Variants in PCDH11X observed in about 807,000 individuals in gnomAD.
The protein encoded by PCDH11X is protocadherin-11 X-linked.
Under a neutral mutation model 53.3 loss-of-function variants are expected in PCDH11X, and 18 were observed. The observed-to-expected ratio is 0.34, with a 90% CI of 0.23 to 0.50. The LOEUF is 0.50. PCDH11X is among the 20% of genes least tolerant of loss of function. PCDH11X has a pLI of 0.98. For missense variants in PCDH11X, 570 were observed against 1,032.4 expected, an observed-to-expected ratio of 0.55 and a Z score of 6.14; for synonymous variants, 279 against 393.3, an observed-to-expected ratio of 0.71 and a Z score of 3.44.
chrX:92,271,401 G>C lies in PCDH11X; in HGVS notation c.3144+8258G>C, dbSNP rs2067954644. 2.7e-5 allele frequency among the ~76,000 whole-genome samples: 3 copies of C among 111,816 alleles called. No individual in the cohort carries two copies. In the South Asian group the frequency reaches 1.1e-3, roughly 42 times the overall value. On this transcript the variant is annotated intron_variant, in intron 8 of 10. Coordinates refer to ENST00000682573, the MANE Select transcript of PCDH11X (RefSeq NM_032968.5). Reference sequence around the variant, plus strand: ...GAATTGCAAAAAAGGCACAAACAAAGCAAGAAAGGGACGAAGGGGTTTAGT... The same window carrying C: ...GAATTGCAAAAAAGGCACAAACAAACCAAGAAAGGGACGAAGGGGTTTAGT...
intron 6 of PCDH11X, among the ~76,000 whole-genome samples, chrX:92,157,806 T>C (rs1401764636): frequency 3.4e-4 from 38 of 112,241 alleles, no homozygotes; most frequent in African/African-American, 1.2e-3. Flanking sequence ...TTTTATAATA[T>C]CAATAAACAT....
intron 6 of PCDH11X, among the ~76,000 whole-genome samples, chrX:91,881,724 A>C (rs1192708841): frequency 9.0e-6 from 1 of 111,287 alleles, no homozygotes; most frequent in East Asian, 2.8e-4. Context: ...ATTCAAATGC[A>C]GTAGGTGTCT....
At position 92,571,421 on chromosome X, in the gene PCDH11X, T is replaced by G. The variant is rs761651653; in HGVS notation, c.3368-46843T>G. ...CACTTTAAAATAAAATAATATTTAG[T>G]AATTAAATATCAAATTAGTATTAAG... On this transcript the variant is annotated intron_variant, in intron 10 of 10. Coordinates refer to ENST00000682573, the MANE Select transcript of PCDH11X (RefSeq NM_032968.5). Among the ~76,000 whole-genome samples the G allele has an allele frequency of 3.6e-5, 4 of 111,101 alleles. No individual in the cohort carries two copies. In the South Asian group the frequency reaches 1.5e-3, roughly 41 times the overall value.
At chrX:92,603,874 G>A (rs1005508274) in intron 10 of PCDH11X, among the ~76,000 whole-genome samples, 3 of 105,898 alleles carry the variant, frequency 2.8e-5, no homozygotes, top group African/African-American at 1.0e-4. Flanking sequence ...GTAAAAGACA[G>A]TATAATTTTG....
At chrX:91,904,367 A>G (rs1297557781) in intron 6 of PCDH11X, among the ~76,000 whole-genome samples, 2 of 109,592 alleles carry the variant, frequency 1.8e-5, no homozygotes, top group Non-Finnish European at 3.8e-5. Flanking sequence ...CATCATCACT[A>G]TATAGTTTAG....
intron 8 of PCDH11X, among the ~76,000 whole-genome samples, chrX:92,313,547 C>T (rs979489227): frequency 9.1e-6 from 1 of 109,915 alleles, no homozygotes; most frequent in Non-Finnish European, 1.9e-5. Flanking sequence ...TACTGACACA[C>T]GCCCAGTAGT....
At chrX:92,527,745 C>A (rs1401538043) in intron 10 of PCDH11X, among the ~76,000 whole-genome samples, 1 of 111,849 alleles carries the variant, frequency 8.9e-6, no homozygotes, top group Non-Finnish European at 1.9e-5. Context: ...GAGAAGGGAT[C>A]TAACATAATT....
At chrX:91,973,578 A>C (rs1386075899) in intron 6 of PCDH11X, among the ~76,000 whole-genome samples, 2 of 106,985 alleles carry the variant, frequency 1.9e-5, no homozygotes, top group Non-Finnish European at 1.9e-5. Flanking sequence ...GTATACATAC[A>C]GAAAAACCAT....
chrX:92,240,587 T>C (rs1189514425), intron 7 of PCDH11X, among the ~76,000 whole-genome samples: 2 of 111,990 alleles, frequency 1.8e-5, no homozygotes, highest in Non-Finnish European at 3.8e-5. Context: ...GAATTCTGCC[T>C]GAAACAACAC....
intron 6 of PCDH11X, among the ~76,000 whole-genome samples, chrX:92,198,267 C>T (rs78596768): frequency 0.033 from 3,513 of 105,338 alleles, 78 homozygotes; most frequent in East Asian, 0.18. Flanking sequence ...AAAAATTAGC[C>T]GGGCATGGTG....
intron 8 of PCDH11X, among the ~76,000 whole-genome samples, chrX:92,270,389 G>T (rs1008081678): frequency 8.9e-6 from 1 of 111,865 alleles, no homozygotes; most frequent in Non-Finnish European, 1.9e-5. Flanking sequence ...CTCCCAAAGT[G>T]CTGGGATTAC....
At chrX:92,607,755 T>C (rs927250802) in intron 10 of PCDH11X, among the ~76,000 whole-genome samples, 14 of 111,859 alleles carry the variant, frequency 1.3e-4, no homozygotes, top group African/African-American at 4.2e-4. Context: ...TTTTGTGAAA[T>C]TTCAGGCTGC....
intron 9 of PCDH11X, among the ~76,000 whole-genome samples, chrX:92,448,718 G>A (rs1209684934): frequency 9.2e-6 from 1 of 108,236 alleles, no homozygotes; most frequent in Non-Finnish European, 1.9e-5. Context: ...TGTGTGTGTG[G>A]TGGAGAAAGG....
At chrX:92,453,664 T>C (rs764833332) in intron 9 of PCDH11X, among the ~76,000 whole-genome samples, 2 of 111,201 alleles carry the variant, frequency 1.8e-5, no homozygotes, top group Non-Finnish European at 3.8e-5. Context: ...TTTTCAATAA[T>C]TTTTTCTGCT....
At chrX:92,161,887 GCTAT>G (rs1231671042) in intron 6 of PCDH11X, among the ~76,000 whole-genome samples, 3 of 69,136 alleles carry the variant, frequency 4.3e-5, no homozygotes, top group African/African-American at 1.2e-4. Context: ...TTTTATTTAT[GCTAT>G]CTATTTCACT....
chrX:92,500,231 T>C (rs1277463411), intron 10 of PCDH11X, among the ~76,000 whole-genome samples: 1 of 111,803 alleles, frequency 8.9e-6, no homozygotes, highest in Non-Finnish European at 1.9e-5. Flanking sequence ...AGATCATATT[T>C]CAGGGATCTG....
intron 10 of PCDH11X, among the ~76,000 whole-genome samples, chrX:92,503,584 A>G (rs2073999506): frequency 1.1e-5 from 1 of 91,064 alleles, no homozygotes; most frequent in Non-Finnish European, 2.2e-5. Flanking sequence ...AGAGACATAG[A>G]TGGAGTTGGA....
intron 8 of PCDH11X, among the ~76,000 whole-genome samples, chrX:92,379,654 C>A (rs1319741923): frequency 9.2e-6 from 1 of 109,194 alleles, no homozygotes; most frequent in Non-Finnish European, 1.9e-5. Flanking sequence ...TTGGCCAGTT[C>A]CTCAGACCAG....
chrX:92,123,317 G>A (rs2064805576), intron 6 of PCDH11X, among the ~76,000 whole-genome samples: 1 of 111,409 alleles, frequency 9.0e-6, no homozygotes, highest in Admixed American at 9.7e-5. Context: ...TTAGAAGACT[G>A]TAAGTTTCTT....
Sources: gnomAD v4.1 joint callset for allele counts (sites outside exome capture counted in the v4.1 genomes callset) on GRCh38, gnomAD v4.1.1 for gene constraint, MANE v1.5 for transcripts, NCBI Gene and HGNC (gene_info 2026-07-23, HGNC 2026-07-21) for gene names.